Variants in ZNF536 observed in about 807,000 individuals in gnomAD.
The protein encoded by ZNF536 is zinc finger protein 536.
Under a neutral mutation model 84.5 loss-of-function variants are expected in ZNF536, and 13 were observed. The observed-to-expected ratio is 0.15, with a 90% CI of 0.10 to 0.24. The LOEUF (loss-of-function observed/expected upper bound fraction) is 0.24. Among genes scored for constraint, ZNF536 ranks in the 10% least tolerant of loss-of-function variants. ZNF536 has a pLI of 1.00. For missense variants in ZNF536, 1,536 were observed against 1,747.5 expected (o/e 0.88, Z 2.16); for synonymous variants, 811 against 742.5 (o/e 1.09, Z -1.50).
intron 2 of ZNF536, among the ~76,000 whole-genome samples, chr19:30,514,146 CAA>C (rs1216382114): frequency 6.6e-6 from 1 of 152,146 alleles, no homozygotes; most frequent in Non-Finnish European, 1.5e-5. Context: ...CGTATGTTTT[CAA>C]AGTGATTCCC....
At chr19:30,703,082 C>G (rs145540967) in intron 1 of ZNF536, among the ~76,000 whole-genome samples, 2,602 of 152,204 alleles carry the variant, frequency 0.017, 24 homozygotes, top group Non-Finnish European at 0.03. Flanking sequence ...CTTCCCCAGG[C>G]AGAGGCAGCT....
intron 1 of ZNF536, among the ~76,000 whole-genome samples, chr19:30,577,346 CT>C (rs1411520231): frequency 7.9e-5 from 12 of 152,160 alleles, no homozygotes; most frequent in Admixed American, 7.9e-4. Flanking sequence ...AGTGACACAA[CT>C]TCAGCCAGCC....
At chr19:30,237,044 T>C (rs905899577) in intron 1 of ZNF536, among the ~76,000 whole-genome samples, 6 of 35,792 alleles carry the variant, frequency 1.7e-4, no homozygotes, top group African/African-American at 6.6e-4. Flanking sequence ...TCTTGTGAGA[T>C]TTTTTTTTTT....
At chr19:30,246,715 G>A (rs748237462) in intron 1 of ZNF536, among the ~76,000 whole-genome samples, 13 of 152,182 alleles carry the variant, frequency 8.5e-5, no homozygotes, top group Admixed American at 8.5e-4. Flanking sequence ...ATCTCCTGTT[G>A]AATTGTTCAT....
intron 2 of ZNF536, among the ~76,000 whole-genome samples, chr19:30,492,477 A>G (rs900663110): frequency 6.6e-6 from 1 of 152,208 alleles, no homozygotes; most frequent in African/African-American, 2.4e-5. Context: ...ATATATCAGA[A>G]CATATTTCAA....
chr19:30,364,478 A>G (rs1343764021), intron 3 of ZNF536, among the ~76,000 whole-genome samples: 1 of 152,230 alleles, frequency 6.6e-6, no homozygotes, highest in Non-Finnish European at 1.5e-5. Flanking sequence ...AGATCCCACC[A>G]TTGCATGCCA....
At chr19:30,287,015 G>A (rs2045653445) in intron 2 of ZNF536, among the ~76,000 whole-genome samples, 1 of 152,216 alleles carries the variant, frequency 6.6e-6, no homozygotes, top group Non-Finnish European at 1.5e-5. Flanking sequence ...ATTTGGTGCA[G>A]GAAGCATTTT....
chr19:30,298,333 GC>G (rs1478045732), intron 2 of ZNF536, among the ~76,000 whole-genome samples: 1 of 152,198 alleles, frequency 6.6e-6, no homozygotes, highest in Non-Finnish European at 1.5e-5. Flanking sequence ...TAGGAGGTAT[GC>G]CCAGGATGTC....
At chr19:30,429,520 G>A (rs930596002) in intron 1 of ZNF536, among the ~76,000 whole-genome samples, 19 of 152,228 alleles carry the variant, frequency 1.2e-4, no homozygotes, top group Admixed American at 2.0e-4. Context: ...CACCCCAAAG[G>A]CCTCCTCTGC....
chr19:30,579,262 T>A (rs1020880825), intron 1 of ZNF536, among the ~76,000 whole-genome samples: 1 of 152,220 alleles, frequency 6.6e-6, no homozygotes, highest in Non-Finnish European at 1.5e-5. Flanking sequence ...AGCAGTTAGC[T>A]ACTGCCGTGT....
At chr19:30,285,509 T>C (rs143313282) in intron 2 of ZNF536, among the ~76,000 whole-genome samples, 1 of 152,218 alleles carries the variant, frequency 6.6e-6, no homozygotes, top group Non-Finnish European at 1.5e-5. Flanking sequence ...GTGTTTTAGA[T>C]TGAAAGGCAA....
chr19:30,368,218 G>C (rs544776257), upstream of ZNF536, among the ~76,000 whole-genome samples: 154 of 152,364 alleles, frequency 1.0e-3, 2 homozygotes, highest in South Asian at 0.012. Flanking sequence ...TGATTGAAAC[G>C]TGGTGGGGTG....
At chr19:30,558,741 A>T (rs1240866824), downstream of ZNF536, among the ~76,000 whole-genome samples, 1 of 152,076 alleles carries the variant, frequency 6.6e-6, no homozygotes, top group Non-Finnish European at 1.5e-5. Flanking sequence ...TGCCATTTCA[A>T]CGGTGTTTCC....
chr19:30,637,411 T>G (rs978708718), intron 1 of ZNF536, among the ~76,000 whole-genome samples: 2 of 152,226 alleles, frequency 1.3e-5, no homozygotes, highest in African/African-American at 2.4e-5. Flanking sequence ...GGAGGGCTGG[T>G]AATAACATCA....
rs562131262 is a variant in ZNF536 at position 30,316,483 on chromosome 19, C to T, written c.-120+32342C>T. ...TAAATTGATTTTCAAGAGCTCTTTACATATGTTGGACATTACCCCTTTGTT... is the reference window on the plus strand; with the variant it reads ...TAAATTGATTTTCAAGAGCTCTTTATATATGTTGGACATTACCCCTTTGTT... On this transcript the variant is annotated intron_variant, in intron 2 of 5. Transcript: ENST00000585628. Among the ~76,000 whole-genome samples the T allele has an allele frequency of 2.0e-5, 3 of 152,266 alleles. No individual in the cohort carries two copies. The South Asian group carries it at 6.2e-4, about 32-fold the overall frequency.
intron 1 of ZNF536, among the ~76,000 whole-genome samples, chr19:30,614,440 G>T (rs982810370): frequency 1.3e-5 from 2 of 150,914 alleles, no homozygotes; most frequent in African/African-American, 4.9e-5. Flanking sequence ...TAAAGGAAGG[G>T]CAGTGGGGAC....
chr19:30,697,650 C>T (rs573974091), intron 1 of ZNF536, among the ~76,000 whole-genome samples: 36 of 152,284 alleles, frequency 2.4e-4, no homozygotes, highest in African/African-American at 6.3e-4. Flanking sequence ...GAGGCAGATA[C>T]GTTAGAGCCT....
intron 2 of ZNF536, among the ~76,000 whole-genome samples, chr19:30,297,911 C>CA (rs2046056745): frequency 6.9e-6 from 1 of 145,354 alleles, no homozygotes; most frequent in African/African-American, 2.7e-5. Context: ...AGTCCCCCCC[C>CA]CCTCTGTCGC....
intron 3 of ZNF536, among the ~76,000 whole-genome samples, chr19:30,358,111 C>G (rs1568356810): frequency 6.6e-6 from 1 of 152,118 alleles, no homozygotes; most frequent in Non-Finnish European, 1.5e-5. Flanking sequence ...TTGGGCAGTG[C>G]AGGTATTATT....
Sources: gnomAD v4.1 joint callset for allele counts (sites outside exome capture counted in the v4.1 genomes callset) on GRCh38, gnomAD v4.1.1 for gene constraint, MANE v1.5 for transcripts, NCBI Gene and HGNC (gene_info 2026-07-23, HGNC 2026-07-21) for gene names.